BIRC6: variants seen among roughly 807,000 people sequenced by gnomAD.
The protein encoded by BIRC6 is baculoviral IAP repeat containing 6.
BIRC6 carries 98 observed loss-of-function variants against 503.3 expected under a neutral mutation model. The observed-to-expected ratio is 0.19, with a 90% CI of 0.17 to 0.23. BIRC6 has a LOEUF of 0.23. Among genes scored for constraint, BIRC6 ranks in the 10% least tolerant of loss-of-function variants. The pLI is 1.00. For missense variants in BIRC6, 5,360 were observed against 5,806.0 expected (o/e 0.92, Z 2.50); for synonymous variants, 2,240 against 2,078.7 (o/e 1.08, Z -2.11).
intron 32 of BIRC6, 114 bp from the exon 33 acceptor site, chr2:32,472,998 A>C (rs2049277809): frequency 1.2e-6 from 1 of 860,438 alleles, no homozygotes; most frequent in African/African-American, 1.8e-5. Context: ...TCTTATTAAA[A>C]CTGCTTTTCA....
chr2:32,400,286 T>G (rs2040450285), intron 6 of BIRC6, among the ~76,000 whole-genome samples: 1 of 151,844 alleles, frequency 6.6e-6, no homozygotes, highest in African/African-American at 2.4e-5. Context: ...ATTTCTGTGT[T>G]CTTAATATAT....
intron 73 of BIRC6, among the ~76,000 whole-genome samples, chr2:32,613,186 G>GGTGTGTTT (rs2062997775): frequency 6.6e-6 from 1 of 150,844 alleles, no homozygotes; most frequent in African/African-American, 2.4e-5. Flanking sequence ...TGCCTTGACT[G>GGTGTGTTT]GTTTGTTTGT....
rs1401589975 is a variant in BIRC6 at position 32,473,690 on chromosome 2, CTTTTTTCTCCTTTTTCG to C, written c.6720+453_6720+469del. Among the ~76,000 whole-genome samples, 12 of 113,786 alleles carry C rather than the reference CTTTTTTCTCCTTTTTCG, an allele frequency of 1.1e-4. No homozygotes were observed. In the Admixed American group the frequency reaches 1.1e-3, roughly 10 times the overall value. The allele number at this position is 113,786 out of a possible 152,430, so 74.6% of individuals were successfully genotyped here. A position where few individuals can be genotyped will look rare whatever the true frequency, so the allele number is the denominator to read the frequency against. ...TTAATTTTGGTTTCTTTTTCCATGT[CTTTTTTCTCCTTTTTCG>C]TGTGTGTGTGTGTGTGTGTGTGTGT... On this transcript the variant is annotated intron_variant, in intron 33 of 73. Transcript: ENST00000421745.
Position 32,577,985 on chromosome 2 carries a change from C to T in BIRC6, c.13355+2619C>T, listed in dbSNP as rs147880937. ...TAGATTATTTTATCTTTACAGTGAC[C>T]GTGTGCAGTACATATTTTTAGTAAT... On this transcript the variant is annotated intron_variant, in intron 66 of 73. Coordinates refer to ENST00000421745, the MANE Select transcript of BIRC6 (RefSeq NM_016252.4). 2.9e-3 allele frequency among the ~76,000 whole-genome samples: 435 copies of T among 152,206 alleles called. 7 individuals carry two copies. Among genetic ancestry groups the T allele is most frequent in the African/African-American group, 0.01 (425 of 41,532 alleles).
chr2:32,390,928 A>T (rs1234876885), intron 4 of BIRC6, among the ~76,000 whole-genome samples: 1 of 152,176 alleles, frequency 6.6e-6, no homozygotes, highest in Non-Finnish European at 1.5e-5. Context: ...TGTAGTAGTA[A>T]TCTCTTGGGC....
At chr2:32,578,123 G>A (rs973915714) in intron 66 of BIRC6, among the ~76,000 whole-genome samples, 6 of 152,048 alleles carry the variant, frequency 3.9e-5, no homozygotes, top group Non-Finnish European at 5.9e-5. Flanking sequence ...AGACGGCACC[G>A]GTAAAGACTA....
chr2:32,388,407 A>G (rs1180993543), intron 3 of BIRC6, among the ~76,000 whole-genome samples: 1 of 151,796 alleles, frequency 6.6e-6, no homozygotes, highest in African/African-American at 2.4e-5. Context: ...AGAAATATAC[A>G]ATACATGATT....
rs1473911385 is a variant in BIRC6, at chr2:32,479,478, A to G, written c.7269A>G (p.Pro2423=). Residue 2423 remains proline, a synonymous_variant, in exon 37 of 74, where the codon CCA becomes CCG. Transcript: ENST00000421745. ...QDILAGELLA[P]VAAEAMEEGT... ...TACATACAGGAGAATTACTGGCTCC[A>G]GTAGCCGCAGAAGCCATGGAGGAAG... 5 of 1,600,864 alleles carry G rather than the reference A, an allele frequency of 3.1e-6. No homozygotes were observed. The highest frequency in any genetic ancestry group is 1.1e-5 in the South Asian group (1 of 88,782).
chr2:32,447,608 A>AT (rs1230253611), intron 21 of BIRC6, among the ~76,000 whole-genome samples: 2 of 93,280 alleles, frequency 2.1e-5, no homozygotes, highest in African/African-American at 9.2e-5. Flanking sequence ...CGGGGGGCTG[A>AT]TCCCCCCACC....
chr2:32,614,386 A>G (rs2063095919), intron 73 of BIRC6, among the ~76,000 whole-genome samples: 1 of 152,230 alleles, frequency 6.6e-6, no homozygotes, highest in Admixed American at 6.5e-5. Flanking sequence ...AACTGGCTCA[A>G]GTCCAGCTTC....
chr2:32,590,737 A>T, intron 66 of BIRC6: 3 of 955,192 alleles, frequency 3.1e-6, no homozygotes, highest in Non-Finnish European at 3.7e-6. Context: ...TTCACAGCAT[A>T]GTGGAAAATG....
At chr2:32,482,017 T>G (rs2050462835) in intron 38 of BIRC6, among the ~76,000 whole-genome samples, 2 of 152,200 alleles carry the variant, frequency 1.3e-5, no homozygotes, top group Admixed American at 1.3e-4. Context: ...GAGAACTACA[T>G]TTAAGTATAC....
intron 1 of BIRC6, among the ~76,000 whole-genome samples, chr2:32,358,638 C>T (rs1393973353): frequency 6.6e-6 from 1 of 152,102 alleles, no homozygotes; most frequent in Non-Finnish European, 1.5e-5. Context: ...CGTAGACGAA[C>T]AAGGAAAAGT....
Position 32,518,502 on chromosome 2 carries a change from T to A in BIRC6, c.11493+105T>A, listed in dbSNP as rs1454393164. The A allele has an allele frequency of 8.4e-6, 10 of 1,187,810 alleles. No individual in the cohort carries two copies. In the East Asian group the frequency reaches 2.0e-4, roughly 23 times the overall value. The allele number at this position is 1,187,810 out of a possible 1,614,324, so 73.6% of individuals were successfully genotyped here. On this transcript the variant is annotated intron_variant, in intron 56 of 73. Transcript: ENST00000421745. ...TGTTCTAACTTCGAGTATAGCAAAG[T>A]GAAACTAGCACAGCCTTTATACCTA... is the stretch of plus-strand genomic sequence containing the variant.
At chr2:32,481,253 A>C in intron 37 of BIRC6, 67 bp from the exon 38 acceptor site, 1 of 1,344,266 alleles carries the variant, frequency 7.4e-7, no homozygotes, top group Non-Finnish European at 9.8e-7. Flanking sequence ...TTTTAACTAA[A>C]AGCATTATGT....
chr2:32,549,217 T>C, intron 64 of BIRC6, 96 bp from the exon 65 acceptor site: 1 of 813,864 alleles, frequency 1.2e-6, no homozygotes, highest in Non-Finnish European at 1.8e-6. Context: ...AAGTAGAAAA[T>C]ATGTACTCTT....
intron 62 of BIRC6, among the ~76,000 whole-genome samples, chr2:32,544,529 T>C (rs2057916922): frequency 6.6e-6 from 1 of 150,804 alleles, no homozygotes; most frequent in Non-Finnish European, 1.5e-5. Flanking sequence ...ATTTATTCTA[T>C]TAATATTTAT....
chr2:32,504,494 C>A (rs561598831), intron 49 of BIRC6, among the ~76,000 whole-genome samples: 1 of 151,558 alleles, frequency 6.6e-6, no homozygotes, highest in African/African-American at 2.4e-5. Flanking sequence ...GGTGAAACCC[C>A]GTCTCTACTA....
At chr2:32,540,935 A>G (rs1224842753) in intron 61 of BIRC6, among the ~76,000 whole-genome samples, 2 of 152,020 alleles carry the variant, frequency 1.3e-5, no homozygotes, top group African/African-American at 4.8e-5. Flanking sequence ...ATAATGGGTG[A>G]TGGGAAATAT....
Sources: gnomAD v4.1 joint callset for allele counts (sites outside exome capture counted in the v4.1 genomes callset) on GRCh38, gnomAD v4.1.1 for gene constraint, MANE v1.5 for transcripts, NCBI Gene and HGNC (gene_info 2026-07-23, HGNC 2026-07-21) for gene names.